The following LARP4 variants were observed in gnomAD, a reference collection of about 807,000 sequenced individuals.
LARP4 encodes La ribonucleoprotein 4, also known as la-related protein 4.
In LARP4, 29 loss-of-function variants were observed where a neutral mutation model predicts 92.9. That is an observed-to-expected ratio of 0.31 (90% CI 0.23 to 0.43). LARP4 has a LOEUF of 0.43. LARP4 is among the 20% of genes least tolerant of loss of function. The pLI, the probability that LARP4 is intolerant of heterozygous loss-of-function variation, is 1.00. For missense variants in LARP4, 732 were observed against 860.0 expected, an observed-to-expected ratio of 0.85 and a Z score of 1.86; for synonymous variants, 279 against 284.1, an observed-to-expected ratio of 0.98 and a Z score of 0.18.
At chr12:50,424,090 C>T (rs1038193198) in intron 1 of LARP4, among the ~76,000 whole-genome samples, 1 of 152,126 alleles carries the variant, frequency 6.6e-6, no homozygotes, top group African/African-American at 2.4e-5. Flanking sequence ...CTTCTTGGCC[C>T]AGTGCAGTGG....
At chr12:50,451,120 A>G (rs2138166900) in intron 8 of LARP4, among the ~76,000 whole-genome samples, 1 of 152,298 alleles carries the variant, frequency 6.6e-6, no homozygotes, top group Non-Finnish European at 1.5e-5. Flanking sequence ...AGCAATTTTG[A>G]ATTACATAAT....
chr12:50,462,544 T>TGCCC, intron 11 of LARP4, 38 bp from the exon 12 acceptor site: 21 of 773,938 alleles, frequency 2.7e-5, no homozygotes, highest in East Asian at 2.8e-5. Context: ...GACTTGTCCC[T>TGCCC]CCACCCCACC....
intron 10 of LARP4, among the ~76,000 whole-genome samples, chr12:50,455,741 C>A (rs988790776): frequency 9.2e-5 from 14 of 152,098 alleles, no homozygotes; most frequent in African/African-American, 2.9e-4. Context: ...TTGACAGACA[C>A]AATTGGTTAA....
chr12:50,453,948 G>A (rs1013004448), intron 9 of LARP4, among the ~76,000 whole-genome samples: 3 of 152,088 alleles, frequency 2.0e-5, no homozygotes, highest in South Asian at 2.1e-4. Flanking sequence ...TTTAAACAGT[G>A]ATATGGATAT....
At chr12:50,475,256 A>G (rs1228549628) in intron 15 of LARP4, among the ~76,000 whole-genome samples, 1 of 152,192 alleles carries the variant, frequency 6.6e-6, no homozygotes, top group Admixed American at 6.5e-5. Context: ...ACCATTATTC[A>G]TCTAATCTGT....
chr12:50,442,774 C>G (rs1014090894), intron 8 of LARP4, among the ~76,000 whole-genome samples: 1 of 152,180 alleles, frequency 6.6e-6, no homozygotes, highest in Admixed American at 6.5e-5. Flanking sequence ...ACGAGGGTAA[C>G]CTACCTAGTT....
At chr12:50,450,498 A>G (rs1952992669) in intron 8 of LARP4, among the ~76,000 whole-genome samples, 1 of 152,102 alleles carries the variant, frequency 6.6e-6, no homozygotes, top group Non-Finnish European at 1.5e-5. Context: ...GATGCTTACA[A>G]TTTAAATTCA....
At chr12:50,440,917 T>A (rs910360768) in intron 7 of LARP4, among the ~76,000 whole-genome samples, 3 of 151,348 alleles carry the variant, frequency 2.0e-5, no homozygotes, top group Non-Finnish European at 2.9e-5. Flanking sequence ...GGAGTCTCAC[T>A]CTGTCGCCCG....
At position 50,462,577 on chromosome 12, in the gene LARP4, A is replaced by C. The variant is rs749528757; in HGVS notation, c.1335-5A>C. ...ACCCCACCCCCACCTTTTTCTTATT[A>C]AAAGGAGAACTCTCTTCAGAGGTCG... On this transcript the variant is annotated splice_polypyrimidine_tract_variant and splice_region_variant and intron_variant, in intron 11 of 15. Transcript: ENST00000398473. 1.2e-6 allele frequency: 1 copy of C among 822,704 alleles called. No homozygotes were observed. The highest frequency in any genetic ancestry group is 4.1e-5 in the Admixed American group (1 of 24,330). 51.0% of individuals were successfully genotyped at this position (822,704 alleles called of 1,614,324 possible).
chr12:50,447,127 A>G (rs1952335480), intron 8 of LARP4, among the ~76,000 whole-genome samples: 1 of 152,168 alleles, frequency 6.6e-6, no homozygotes, highest in African/African-American at 2.4e-5. Flanking sequence ...CTAAATTTGA[A>G]TTGCTCCAAA....
intron 7 of LARP4, 159 bp from the exon 8 acceptor site, chr12:50,441,431 C>T (rs991500211): frequency 2.6e-5 from 13 of 491,326 alleles, no homozygotes; most frequent in Admixed American, 8.4e-5. Flanking sequence ...ATTGAGAAGG[C>T]GTTACATTTT....
intron 12 of LARP4, among the ~76,000 whole-genome samples, chr12:50,465,539 A>AT (rs971275642): frequency 3.9e-5 from 6 of 152,116 alleles, no homozygotes; most frequent in Non-Finnish European, 8.8e-5. Flanking sequence ...TGGGAATAAA[A>AT]TTTTGGATTT....
intron 8 of LARP4, among the ~76,000 whole-genome samples, chr12:50,450,172 C>T (rs557803163): frequency 1.6e-4 from 25 of 152,000 alleles, no homozygotes; most frequent in Admixed American, 4.6e-4. Flanking sequence ...CCTCGTGATC[C>T]GCCCGCCTCA....
At chr12:50,440,390 A>G (rs1352498586) in intron 6 of LARP4, 49 bp from the exon 7 acceptor site, 3 of 1,343,004 alleles carry the variant, frequency 2.2e-6, no homozygotes, top group South Asian at 1.2e-5. Context: ...AAAAAATGCC[A>G]ATTATTGATG....
chr12:50,474,792 A>C (rs770277859), intron 15 of LARP4, among the ~76,000 whole-genome samples: 2 of 152,166 alleles, frequency 1.3e-5, no homozygotes, highest in Non-Finnish European at 2.9e-5. Context: ...TATATGTGAT[A>C]CTTAACAAGT....
intron 1 of LARP4, among the ~76,000 whole-genome samples, chr12:50,411,346 T>A (rs976472546): frequency 6.6e-6 from 1 of 152,098 alleles, no homozygotes; most frequent in Non-Finnish European, 1.5e-5. Context: ...TTTGTATTTT[T>A]AAAAATTTTT....
At chr12:50,474,935 G>C (rs1957384814) in intron 15 of LARP4, among the ~76,000 whole-genome samples, 1 of 152,152 alleles carries the variant, frequency 6.6e-6, no homozygotes, top group Non-Finnish European at 1.5e-5. Flanking sequence ...TTTTAGTACA[G>C]CACTTTTAAA....
intron 1 of LARP4, among the ~76,000 whole-genome samples, chr12:50,422,358 A>G (rs991306530): frequency 6.6e-6 from 1 of 152,184 alleles, no homozygotes; most frequent in Non-Finnish European, 1.5e-5. Context: ...TGCTTTTGTT[A>G]TTATAGCAGT....
intron 4 of LARP4, among the ~76,000 whole-genome samples, chr12:50,431,983 CA>C (rs1470434742): frequency 6.6e-6 from 1 of 152,122 alleles, no homozygotes; most frequent in African/African-American, 2.4e-5. Context: ...TACGAAAATA[CA>C]AAAATTAGCG....
Sources: gnomAD v4.1 joint callset for allele counts (sites outside exome capture counted in the v4.1 genomes callset) on GRCh38, gnomAD v4.1.1 for gene constraint, MANE v1.5 for transcripts, NCBI Gene and HGNC (gene_info 2026-07-23, HGNC 2026-07-21) for gene names.